HDAC4: variants seen among roughly 807,000 people sequenced by gnomAD.
HDAC4 encodes histone deacetylase A.
In HDAC4, 16 loss-of-function variants were observed where a neutral mutation model predicts 135.1. The ratio of observed to expected loss-of-function variants is 0.12; its 90% confidence interval spans 0.08 to 0.18. The LOEUF (loss-of-function observed/expected upper bound fraction) is 0.18, where lower values mean the gene tolerates loss of function less well. HDAC4 is among the 10% of genes least tolerant of loss of function. The pLI is 1.00. For synonymous variants in HDAC4, 685 were observed against 653.4 expected (o/e 1.05, Z -0.74); for missense variants, 1,143 against 1,511.8 (o/e 0.76, Z 4.05).
intron 11 of HDAC4, among the ~76,000 whole-genome samples, chr2:239,131,952 G>A (rs866896341): frequency 5.3e-5 from 8 of 152,178 alleles, no homozygotes; most frequent in East Asian, 3.9e-4. Context: ...AGGACAGACC[G>A]GAGGGGAGGA....
intron 3 of HDAC4, among the ~76,000 whole-genome samples, chr2:239,193,606 G>T (rs1441479073): frequency 6.6e-6 from 1 of 152,242 alleles, no homozygotes; most frequent in East Asian, 1.9e-4. Context: ...GGACGGGGGA[G>T]CCCAGAGACC....
Position 239,139,712 on chromosome 2 carries a change from G to A in HDAC4, c.950C>T (p.Ala317Val), listed in dbSNP as rs772838262. 1.5e-5 allele frequency: 25 copies of A among 1,613,970 alleles called. No homozygotes were observed. Among genetic ancestry groups the A allele is most frequent in the Middle Eastern group, 1.6e-4 (1 of 6,084 alleles). ...SGSVSAENGI[A>V]PAVPSIPAET... ...CGCCGGGATGCTGGGGACGGCGGGC[G>A]CGATACCGTTCTCCGCGCTGACGCT... The change falls in exon 9 of 27, where the codon GCG (alanine) becomes GTG (valine). Residue 317 changes from alanine (A) to valine (V), a missense_variant. Physicochemically the swap from Ala to Val is moderately conservative, Grantham distance 64. Transcript: ENST00000543185. The surrounding 1 kb of genome is among the most constrained non-coding windows in gnomAD (Gnocchi z 5.3).
At chr2:239,106,210 G>T (rs770900672) in intron 15 of HDAC4, among the ~76,000 whole-genome samples, 1 of 152,216 alleles carries the variant, frequency 6.6e-6, no homozygotes, top group Non-Finnish European at 1.5e-5. Context: ...GCGGGCGGAG[G>T]AGCGGGCTGT....
At position 239,156,738 on chromosome 2, in the gene HDAC4, G is replaced by A. The variant is rs2042447696; in HGVS notation, c.647C>T (p.Pro216Leu). 6.2e-7 allele frequency: 1 copy of A among 1,614,036 alleles called. No individual in the cohort carries two copies. The highest frequency in any genetic ancestry group is 1.3e-5 in the African/African-American group (1 of 74,908). The change falls in exon 7 of 27, where the codon CCA becomes CTA. Residue 216 changes from proline (P) to leucine (L), a missense_variant. Coordinates refer to ENST00000543185, the MANE Select transcript of HDAC4 (RefSeq NM_001378414.1). ...TQHSSLDQSS[P>L]PQSGVSTSYN... ...GGAGGTCGACACTCCGCTCTGGGGT[G>A]GAGAACTCTGGTCAAGGGAACTGTG... is the stretch of plus-strand genomic sequence containing the variant.
In HDAC4 at chr2:239,306,933, C is replaced by T. The variant is rs373984372; in HGVS notation, c.22+45745G>A. Among the ~76,000 whole-genome samples the T allele has an allele frequency of 1.3e-5, 2 of 152,046 alleles. No homozygotes were observed. Among genetic ancestry groups the T allele is most frequent in the Admixed American group, 6.5e-5 (1 of 15,284 alleles). The stretch of plus-strand genomic sequence containing the variant: ...GCCTGAGCCTCCCGTGTGCACCTCC[C>T]CAAGGGCGCCTGCACCCTGGGCCCA... On this transcript the variant is annotated intron_variant, in intron 2 of 26. Transcript: ENST00000543185. The surrounding 1 kb of genome is among the most constrained non-coding windows in gnomAD (Gnocchi z 4.5).
intron 1 of HDAC4, among the ~76,000 whole-genome samples, chr2:239,387,288 G>C (rs1486371944): frequency 6.6e-6 from 1 of 152,210 alleles, no homozygotes; most frequent in East Asian, 1.9e-4. Context: ...GCTGCAGCAG[G>C]GGCTGGAGAG....
chr2:239,240,027 C>T lies in HDAC4; in HGVS notation c.23-3363G>A, dbSNP rs2048089390. On this transcript the variant is annotated intron_variant, in intron 2 of 26. Transcript: ENST00000543185. The surrounding 1 kb of genome is among the most constrained non-coding windows in gnomAD (Gnocchi z 4.5). ...CCCGGCCTGAGCCGTCCTTGGTCGT[C>T]CACCTGGACAGCATGACAGATGCCG... Among the ~76,000 whole-genome samples, 1 of 152,254 alleles carries T rather than the reference C, an allele frequency of 6.6e-6. No individual in the cohort carries two copies. The highest frequency in any genetic ancestry group is 1.5e-5 in the Non-Finnish European group (1 of 68,050).
At chr2:239,287,023 G>A (rs921666056) in intron 2 of HDAC4, among the ~76,000 whole-genome samples, 2 of 152,216 alleles carry the variant, frequency 1.3e-5, no homozygotes, top group East Asian at 3.9e-4. Context: ...GGAAGGACAA[G>A]TGCACAGGGA....
At chr2:239,071,919 G>C (rs923087428) in intron 22 of HDAC4, among the ~76,000 whole-genome samples, 5 of 152,168 alleles carry the variant, frequency 3.3e-5, no homozygotes, top group African/African-American at 1.2e-4. Context: ...TCTACAATTA[G>C]GGCATGAACT....
chr2:239,139,778 G>A lies in HDAC4; in HGVS notation c.884C>T (p.Ala295Val), dbSNP rs2041229774. The stretch of plus-strand genomic sequence containing the variant: ...GGGTGAGCTGGGTCCGGAGCCTGGG[G>A]CGCTGCTGCACGCGGAGTCTGCGGA... Reference protein sequence around the residue: ...LDVTDSACSSAPGSGPSSPNN... With the variant: ...LDVTDSACSSVPGSGPSSPNN... The change falls in exon 9 of 27, where the codon GCC becomes GTC. Residue 295 changes from alanine (A) to valine (V), a missense_variant. Physicochemically the swap from Ala to Val is moderately conservative, Grantham distance 64 (BLOSUM62 0). Coordinates refer to ENST00000543185, the MANE Select transcript of HDAC4 (RefSeq NM_001378414.1). The surrounding 1 kb of genome is among the most constrained non-coding windows in gnomAD (Gnocchi z 5.3). 3 of 1,614,062 alleles carry A rather than the reference G, an allele frequency of 1.9e-6. No individual in the cohort carries two copies. Among genetic ancestry groups the A allele is most frequent in the Non-Finnish European group, 2.5e-6 (3 of 1,179,972 alleles).
chr2:239,322,756 C>T (rs183101284), intron 2 of HDAC4, among the ~76,000 whole-genome samples: 2 of 152,026 alleles, frequency 1.3e-5, no homozygotes, highest in Non-Finnish European at 2.9e-5. Context: ...TCATCCTGCC[C>T]GGGTGTGGGT....
chr2:239,197,397 C>T (rs565572212), intron 3 of HDAC4, among the ~76,000 whole-genome samples: 67 of 152,314 alleles, frequency 4.4e-4, no homozygotes, highest in African/African-American at 1.4e-3. Context: ...TCCGAAATTT[C>T]GAAGCCGTGT....
intron 6 of HDAC4, among the ~76,000 whole-genome samples, chr2:239,160,993 T>C (rs1047784348): frequency 5.9e-5 from 9 of 152,190 alleles, no homozygotes; most frequent in African/African-American, 9.6e-5. Flanking sequence ...CCCACAGGTA[T>C]GAAGGGGCTG....
At position 239,189,950 on chromosome 2, in the gene HDAC4, C is replaced by T. The variant is rs145137674; in HGVS notation, c.222G>A (p.Glu74=). ...GCTGCTTCTGCTTGAGCGCCAGGAG[C>T]TCCTGCTGCAGCTGCTGCTCCCGCA... The part of the protein sequence containing the change: ...PALREQQLQQ[E]LLALKQKQQI... Residue 74 remains glutamate (E), a synonymous_variant, in exon 4 of 27, where the codon GAG becomes GAA. Transcript: ENST00000543185. The T allele has an allele frequency of 1.2e-3, 1,954 of 1,609,882 alleles. 10 individuals are homozygous for T. Among genetic ancestry groups the T allele is most frequent in the Non-Finnish European group, 1.3e-3 (1,553 of 1,179,924 alleles).
chr2:239,096,464 A>G (rs1575008218), intron 16 of HDAC4, among the ~76,000 whole-genome samples: 1 of 103,284 alleles, frequency 9.7e-6, no homozygotes, highest in East Asian at 3.2e-4. Flanking sequence ...GGATGACTGC[A>G]CCCTCCCCAT....
At chr2:239,114,709 T>G (rs1384580496) in intron 13 of HDAC4, among the ~76,000 whole-genome samples, 1 of 152,222 alleles carries the variant, frequency 6.6e-6, no homozygotes, top group Non-Finnish European at 1.5e-5. Context: ...TCTAGTTCCT[T>G]CACTTCTTTA....
At chr2:239,085,645 G>C (rs893958050) in intron 19 of HDAC4, among the ~76,000 whole-genome samples, 2 of 152,250 alleles carry the variant, frequency 1.3e-5, no homozygotes, top group Non-Finnish European at 2.9e-5. Context: ...GAGCAAACAC[G>C]TGGTTTTCAG....
chr2:239,271,683 A>G (rs2050068048), intron 2 of HDAC4, among the ~76,000 whole-genome samples: 1 of 152,232 alleles, frequency 6.6e-6, no homozygotes, highest in African/African-American at 2.4e-5. Context: ...ACAGCTGCTG[A>G]GTGAGAGTCC....
At chr2:239,385,720 T>C (rs1695750757) in intron 1 of HDAC4, among the ~76,000 whole-genome samples, 1 of 152,190 alleles carries the variant, frequency 6.6e-6, no homozygotes. Flanking sequence ...ACAGGGAGCC[T>C]GACTGCAGCC....
Sources: allele counts gnomAD v4.1 joint callset (sites outside exome capture counted in the v4.1 genomes callset), GRCh38; gene constraint gnomAD v4.1.1; non-coding constraint Gnocchi (gnomAD v3.1); transcripts MANE v1.5; gene names NCBI Gene and HGNC (gene_info 2026-07-23, HGNC 2026-07-21).